Variants in ADAMTSL3 observed in about 807,000 individuals in gnomAD.
ADAMTSL3 encodes the protein ADAMTS-like protein 3.
Under a neutral mutation model 201.7 loss-of-function variants are expected in ADAMTSL3, and 128 were observed. That is an observed-to-expected ratio of 0.63 (90% CI 0.55 to 0.73). The LOEUF is 0.73. Among genes scored for constraint, ADAMTSL3 ranks in the 30% least tolerant of loss-of-function variants. The pLI is 0.00. For missense variants in ADAMTSL3, 1,990 were observed against 2,119.6 expected (o/e 0.94, Z 1.20); for synonymous variants, 738 against 748.4 (o/e 0.99, Z 0.23).
rs1396821328 is a variant in ADAMTSL3, at chr15:83,744,984, TC to T, written c.190-28537del. Among the ~76,000 whole-genome samples the T allele has an allele frequency of 2.6e-5, 4 of 152,226 alleles. No individual in the cohort carries two copies. In the East Asian group the frequency reaches 7.7e-4, roughly 29 times the overall value. ...CCCAGCCCAAAGTGAGAACATGCATTCCTGTTTTCCTCCTCGAATGTTTGCC... is the reference window on the plus strand; with the variant it reads ...CCCAGCCCAAAGTGAGAACATGCATTCTGTTTTCCTCCTCGAATGTTTGCC... On this transcript the variant is annotated intron_variant, in intron 3 of 29. Coordinates refer to ENST00000286744, the MANE Select transcript of ADAMTSL3 (RefSeq NM_207517.3).
chr15:83,820,182 C>A, intron 6 of ADAMTSL3, 135 bp downstream of exon 6: 1 of 678,020 alleles, frequency 1.5e-6, no homozygotes, highest in East Asian at 2.7e-5. Flanking sequence ...GTGGCTTACA[C>A]CTATAATCCC....
intron 4 of ADAMTSL3, among the ~76,000 whole-genome samples, chr15:83,795,242 ACAACAACAACAACAGCAGCAG>A (rs1341296453): frequency 2.0e-5 from 2 of 99,328 alleles, no homozygotes; most frequent in Admixed American, 9.0e-5. Flanking sequence ...TAAAACAACA[ACAACAACAACAACAGCAGCAG>A]CAACAACAAC....
intron 4 of ADAMTSL3, among the ~76,000 whole-genome samples, chr15:83,786,750 G>A (rs759922699): frequency 1.3e-5 from 2 of 151,988 alleles, no homozygotes; most frequent in African/African-American, 4.8e-5. Flanking sequence ...ATTCTTCAAG[G>A]TCATGCTCTT....
At chr15:84,014,426 T>G (rs2068054001) in intron 23 of ADAMTSL3, 116 bp from the exon 24 acceptor site, 1 of 930,056 alleles carries the variant, frequency 1.1e-6, no homozygotes, top group Non-Finnish European at 1.6e-6. Context: ...TCCTATTATA[T>G]ATGATTAAAC....
At chr15:83,855,096 A>C (rs1419148908) in intron 7 of ADAMTSL3, among the ~76,000 whole-genome samples, 4 of 152,100 alleles carry the variant, frequency 2.6e-5, no homozygotes, top group Admixed American at 6.6e-5. Flanking sequence ...CACTCAGCCA[A>C]GGTAATTGAC....
At position 83,970,609 on chromosome 15, in the gene ADAMTSL3, A is replaced by G. The variant is rs1490256219; in HGVS notation, c.2616A>G (p.Val872=). The G allele has an allele frequency of 6.2e-7, 1 of 1,614,224 alleles. No individual in the cohort carries two copies. Among genetic ancestry groups the G allele is most frequent in the South Asian group, 1.1e-5 (1 of 91,086 alleles). ...MCRDLPGLPL[V]RSCQMPECSK... is the part of the protein sequence containing the mutation. ...GGGATCTACCAGGGCTCCCTCTTGTAAGATCTTGCCAGATGCCTGAGTGCA... is the reference window on the plus strand; with the variant it reads ...GGGATCTACCAGGGCTCCCTCTTGTGAGATCTTGCCAGATGCCTGAGTGCA... The change falls in exon 20 of 30, where the codon GTA becomes GTG. Residue 872 remains valine, a synonymous_variant. Transcript: ENST00000286744.
chr15:83,810,939 A>G (rs936360131), intron 5 of ADAMTSL3, among the ~76,000 whole-genome samples: 3 of 152,126 alleles, frequency 2.0e-5, no homozygotes, highest in Non-Finnish European at 4.4e-5. Flanking sequence ...GGGTTTCACC[A>G]TATTGGCCAG....
intron 4 of ADAMTSL3, among the ~76,000 whole-genome samples, chr15:83,802,347 C>A (rs543279573): frequency 1.1e-3 from 165 of 152,106 alleles, no homozygotes; most frequent in African/African-American, 3.8e-3. Context: ...ACTCAGAAAT[C>A]CCACTTCTAG....
chr15:83,734,036 A>G (rs2062329870), intron 3 of ADAMTSL3, among the ~76,000 whole-genome samples: 2 of 152,136 alleles, frequency 1.3e-5, no homozygotes, highest in Admixed American at 6.5e-5. Context: ...CTCAGCGTAA[A>G]AGGAATAGTG....
rs529532616 is a variant in ADAMTSL3, at chr15:83,936,695, A to G, written c.2118-5901A>G. On this transcript the variant is annotated intron_variant, in intron 17 of 29. Transcript: ENST00000286744. ...TAATTAAACTAAAGAGCTTCTGCAC[A>G]GCAAAAGAAACTATCAACAGAGTAA... Among the ~76,000 whole-genome samples, 47 of 151,222 alleles carry G rather than the reference A, an allele frequency of 3.1e-4. 4 individuals are homozygous for G. The highest frequency in any genetic ancestry group is 1.2e-3 in the African/African-American group (47 of 40,560).
chr15:83,783,882 C>T (rs1340889428), intron 4 of ADAMTSL3, among the ~76,000 whole-genome samples: 1 of 148,716 alleles, frequency 6.7e-6, no homozygotes, highest in East Asian at 2.0e-4. Flanking sequence ...CATTCCTTTA[C>T]TTCAAATATC....
intron 17 of ADAMTSL3, among the ~76,000 whole-genome samples, chr15:83,935,688 A>T (rs1310988947): frequency 1.3e-5 from 2 of 152,156 alleles, no homozygotes; most frequent in Non-Finnish European, 2.9e-5. Context: ...ATGAGAAATA[A>T]TGAAGCATTA....
intron 3 of ADAMTSL3, among the ~76,000 whole-genome samples, chr15:83,714,693 C>T (rs1166872967): frequency 1.4e-5 from 2 of 147,002 alleles, no homozygotes; most frequent in African/African-American, 5.0e-5. Context: ...CCCTTCCTCC[C>T]TTCCTTCCTT....
At chr15:83,691,913 G>A (rs528073906) in intron 2 of ADAMTSL3, among the ~76,000 whole-genome samples, 22 of 152,180 alleles carry the variant, frequency 1.4e-4, no homozygotes, top group East Asian at 7.7e-4. Flanking sequence ...GGCGCCCAGC[G>A]TCCAAGTGAC....
rs532624658 is a variant in ADAMTSL3, at chr15:83,885,151, G to C, written c.1011G>C (p.Gln337His). ...GCGTGGTTCAGTTCTTCTTTTACCA[G>C]CCCATCAGTCATCAGTGGAGACAAA... The part of the protein sequence containing the change: ...KDSVVQFFFY[Q>H]PISHQWRQTD... The change falls in exon 10 of 30, where the codon CAG (glutamine) becomes CAC (histidine). Residue 337 changes from glutamine to histidine, a missense_variant. Gln to His is a conservative substitution (Grantham distance 24). Transcript: ENST00000286744. The C allele has an allele frequency of 1.2e-5, 19 of 1,614,022 alleles. No homozygotes were observed. Among genetic ancestry groups the C allele is most frequent in the Non-Finnish European group, 1.6e-5 (19 of 1,180,018 alleles).
Position 83,773,609 on chromosome 15 carries a change from G to C in ADAMTSL3, c.276G>C (p.Gly92=). 6.2e-7 allele frequency: 1 copy of C among 1,612,768 alleles called. No individual in the cohort carries two copies. Among genetic ancestry groups the C allele is most frequent in the South Asian group, 1.1e-5 (1 of 90,704 alleles). The change falls in exon 4 of 30, where the codon GGG becomes GGC. Residue 92 remains glycine (G), a synonymous_variant. Coordinates refer to ENST00000286744, the MANE Select transcript of ADAMTSL3 (RefSeq NM_207517.3). ...GGAGTGACTGCTCCCGGACCTGTGG[G>C]GGAGGAGCATCATATTCTCTGCGGA... ...GDWSDCSRTC[G]GGASYSLRRC... is the part of the protein sequence containing the mutation.
At chr15:83,716,050 G>T (rs981233832) in intron 3 of ADAMTSL3, among the ~76,000 whole-genome samples, 5 of 152,158 alleles carry the variant, frequency 3.3e-5, no homozygotes, top group African/African-American at 1.2e-4. Flanking sequence ...TATTGACATG[G>T]ATGTCTTATC....
intron 19 of ADAMTSL3, among the ~76,000 whole-genome samples, chr15:83,943,356 G>C (rs2066599356): frequency 6.6e-6 from 1 of 152,120 alleles, no homozygotes; most frequent in Non-Finnish European, 1.5e-5. Context: ...GGAACTACCA[G>C]GATCATAGTA....
In ADAMTSL3 at chr15:83,890,382, A is replaced by G. The variant is rs1466574461; in HGVS notation, c.1211+135A>G. On this transcript the variant is annotated intron_variant, in intron 11 of 29. Coordinates refer to ENST00000286744, the MANE Select transcript of ADAMTSL3 (RefSeq NM_207517.3). Reference sequence around the variant, plus strand: ...ACTGGCGGCAGGTGCCTACATTCACATTTGTAACTATGGTGCATAGGAATT... The same window carrying G: ...ACTGGCGGCAGGTGCCTACATTCACGTTTGTAACTATGGTGCATAGGAATT... The G allele has an allele frequency of 2.8e-6, 3 of 1,084,086 alleles. No homozygotes were observed. The African/African-American group carries it at 4.8e-5, about 17-fold the overall frequency. 67.2% of individuals were successfully genotyped at this position (1,084,086 alleles called of 1,614,324 possible).
Sources: allele counts gnomAD v4.1 joint callset (sites outside exome capture counted in the v4.1 genomes callset), GRCh38; gene constraint gnomAD v4.1.1; transcripts MANE v1.5; gene names NCBI Gene and HGNC (gene_info 2026-07-23, HGNC 2026-07-21).